STX8: variants seen among roughly 807,000 people sequenced by gnomAD.
The protein encoded by STX8 is syntaxin 8, also known as syntaxin-8.
STX8 carries 23 observed loss-of-function variants against 37.5 expected under a neutral mutation model. That is an observed-to-expected ratio of 0.61 (90% CI 0.44 to 0.87). The LOEUF (loss-of-function observed/expected upper bound fraction) is 0.87. Ranked by LOEUF, STX8 falls within the 40% of genes least tolerant of loss-of-function variation. The pLI is 0.00. For missense variants in STX8, 313 were observed against 284.7 expected (o/e 1.10, Z -0.71); for synonymous variants, 115 against 99.1 (o/e 1.16, Z -0.95).
At chr17:9,291,358 C>G (rs1417389512) in intron 7 of STX8, among the ~76,000 whole-genome samples, 3 of 150,650 alleles carry the variant, frequency 2.0e-5, no homozygotes, top group Admixed American at 6.6e-5. Context: ...GGAGGATCAC[C>G]TAAGCCTGGG....
chr17:9,527,805 G>T (rs183586767), intron 4 of STX8, among the ~76,000 whole-genome samples: 79 of 152,260 alleles, frequency 5.2e-4, no homozygotes, highest in African/African-American at 1.7e-3. Flanking sequence ...CAACTTTTAA[G>T]AAAAAGACAT....
intron 7 of STX8, among the ~76,000 whole-genome samples, chr17:9,363,526 G>A (rs866754360): frequency 6.6e-6 from 1 of 152,198 alleles, no homozygotes; most frequent in Admixed American, 6.5e-5. Context: ...ACAACTGACT[G>A]TACTTCTAAA....
chr17:9,333,273 C>G (rs901957267), intron 7 of STX8, among the ~76,000 whole-genome samples: 9 of 152,136 alleles, frequency 5.9e-5, no homozygotes, highest in African/African-American at 2.2e-4. Flanking sequence ...ACAATAGTCC[C>G]CAATGTCTTT....
chr17:9,262,319 G>A (rs1054826075), intron 7 of STX8, among the ~76,000 whole-genome samples: 14 of 152,262 alleles, frequency 9.2e-5, no homozygotes, highest in African/African-American at 2.9e-4. Context: ...CCTCAAGTGA[G>A]GCCAACAAGG....
chr17:9,402,270 C>T (rs8064247), intron 6 of STX8, among the ~76,000 whole-genome samples: 32,388 of 151,934 alleles, frequency 0.21, 4,082 homozygotes, highest in South Asian at 0.39. Flanking sequence ...CAGGCATGCA[C>T]CACCATGTCT....
rs1204023558 is a variant in STX8 at position 9,559,440 on chromosome 17, A to G, written c.118-1912T>C. Among the ~76,000 whole-genome samples the G allele has an allele frequency of 2.6e-5, 4 of 152,144 alleles. No individual in the cohort carries two copies. In the East Asian group the frequency reaches 7.7e-4, roughly 29 times the overall value. On this transcript the variant is annotated intron_variant, in intron 2 of 7. Transcript: ENST00000306357. ...GAACAGTTTGATGTTAGAAAAATCT[A>G]GTAATAAAGCTCATGGTGTTAATAA...
Position 9,507,354 on chromosome 17 carries a change from C to T in STX8, c.324-2192G>A, listed in dbSNP as rs560434723. Among the ~76,000 whole-genome samples the T allele has an allele frequency of 6.1e-4, 93 of 152,132 alleles. 3 individuals are homozygous for T. In the South Asian group the frequency reaches 0.019, roughly 31 times the overall value. ...CCATGGGTCACCCCTAGCGGCAACTCCCCTAGGCCAGCCGAGCAGCCTTGT... is the reference window on the plus strand; with the variant it reads ...CCATGGGTCACCCCTAGCGGCAACTTCCCTAGGCCAGCCGAGCAGCCTTGT... On this transcript the variant is annotated intron_variant, in intron 4 of 7. Transcript: ENST00000306357. The surrounding 1 kb of genome is among the most constrained non-coding windows in gnomAD (Gnocchi z 4.0).
chr17:9,337,791 C>T (rs962480665), intron 7 of STX8, among the ~76,000 whole-genome samples: 1 of 152,142 alleles, frequency 6.6e-6, no homozygotes, highest in Non-Finnish European at 1.5e-5. Context: ...GAAAAGAGGG[C>T]AGGTATTCTG....
intron 4 of STX8, among the ~76,000 whole-genome samples, chr17:9,518,382 T>G (rs959609781): frequency 3.9e-5 from 6 of 152,036 alleles, no homozygotes; most frequent in Non-Finnish European, 8.8e-5. Context: ...TTTCCATGAA[T>G]CCTCTCCTCT....
intron 7 of STX8, among the ~76,000 whole-genome samples, chr17:9,276,793 G>A (rs770310439): frequency 6.6e-6 from 1 of 151,486 alleles, no homozygotes; most frequent in Admixed American, 6.6e-5. Flanking sequence ...CCACCACCAC[G>A]CTCGGCTAAT....
chr17:9,356,957 A>G (rs145421959), intron 7 of STX8, among the ~76,000 whole-genome samples: 4 of 114,912 alleles, frequency 3.5e-5, no homozygotes, highest in African/African-American at 1.2e-4. Context: ...CATCCTTTTA[A>G]CAGTTTTTTT....
At chr17:9,417,199 T>C (rs1179679987) in intron 6 of STX8, among the ~76,000 whole-genome samples, 1 of 152,210 alleles carries the variant, frequency 6.6e-6, no homozygotes, top group Admixed American at 6.5e-5. Context: ...CATTAAACTC[T>C]TTCTCTACTG....
chr17:9,327,694 G>T (rs1244003782), intron 7 of STX8, among the ~76,000 whole-genome samples: 4 of 152,076 alleles, frequency 2.6e-5, no homozygotes, highest in African/African-American at 7.2e-5. Flanking sequence ...TTCTGTTTCT[G>T]AGATGAAGTC....
chr17:9,320,151 G>A (rs1053322064), intron 7 of STX8, among the ~76,000 whole-genome samples: 2 of 151,866 alleles, frequency 1.3e-5, no homozygotes, highest in East Asian at 1.9e-4. Flanking sequence ...TGACCAACAT[G>A]GTGAAATCCC....
chr17:9,252,238 A>G (rs532322709), intron 7 of STX8, among the ~76,000 whole-genome samples: 41 of 150,936 alleles, frequency 2.7e-4, no homozygotes, highest in Non-Finnish European at 5.5e-4. Context: ...AGGTCAGGAG[A>G]TCGAGACCAT....
intron 7 of STX8, among the ~76,000 whole-genome samples, chr17:9,266,960 G>A (rs1284657231): frequency 5.3e-5 from 8 of 152,166 alleles, no homozygotes; most frequent in African/African-American, 1.9e-4. Context: ...GCTCTCCTGT[G>A]TTCAAAAGGT....
rs553496020 is a variant in STX8 at position 9,258,353 on chromosome 17, T to C, written c.644-7708A>G. Among the ~76,000 whole-genome samples the C allele has an allele frequency of 2.0e-5, 3 of 152,196 alleles. No individual in the cohort carries two copies. In the South Asian group the frequency reaches 6.2e-4, roughly 32 times the overall value. On this transcript the variant is annotated intron_variant, in intron 7 of 7. Coordinates refer to ENST00000306357, the MANE Select transcript of STX8 (RefSeq NM_004853.3). ...CTGGGCAAATACACGAAGAAAAGAG[T>C]AGACGCCGTGCAGAGAAGGTGAGCG...
At chr17:9,547,891 C>G (rs1906612746) in intron 3 of STX8, among the ~76,000 whole-genome samples, 1 of 148,070 alleles carries the variant, frequency 6.8e-6, no homozygotes, top group Admixed American at 6.8e-5. Context: ...TACCTGGGTT[C>G]AAGCAATTCT....
intron 5 of STX8, among the ~76,000 whole-genome samples, chr17:9,492,600 C>T: frequency 6.6e-6 from 1 of 152,134 alleles, no homozygotes; most frequent in Middle Eastern, 3.2e-3. Context: ...TTTCTTGTGC[C>T]AGATATCAAC....
Sources: allele counts gnomAD v4.1 joint callset (sites outside exome capture counted in the v4.1 genomes callset), GRCh38; gene constraint gnomAD v4.1.1; non-coding constraint Gnocchi (gnomAD v3.1); transcripts MANE v1.5; gene names NCBI Gene and HGNC (gene_info 2026-07-23, HGNC 2026-07-21).